ARR3: variants seen among roughly 807,000 people sequenced by gnomAD.
ARR3 encodes the protein arrestin 3, also known as arrestin-C.
Under a neutral mutation model 35.4 loss-of-function variants are expected in ARR3, and 14 were observed. The observed-to-expected ratio is 0.40, with a 90% confidence interval of 0.26 to 0.62. The LOEUF is 0.62. Among genes scored for constraint, ARR3 ranks in the 20% least tolerant of loss-of-function variants. The probability of loss-of-function intolerance (pLI) is 0.46; values close to 1 mark genes in which losing one functional copy is unlikely to be tolerated. For missense variants in ARR3, 259 were observed against 303.8 expected (o/e 0.85, Z 1.10); for synonymous variants, 97 against 119.1 (o/e 0.81, Z 1.21).
chrX:70,277,349 G>A, intron 8 of ARR3, 45 bp from the exon 9 acceptor site: 1 of 1,192,988 alleles, frequency 8.4e-7, no homozygotes. Flanking sequence ...AGGTCTGTGG[G>A]TCTGAAAGGA....
intron 5 of ARR3, 88 bp from the exon 6 acceptor site, chrX:70,275,994 C>T: frequency 8.7e-6 from 9 of 1,031,852 alleles, no homozygotes; most frequent in Non-Finnish European, 1.2e-5. Context: ...GATCATATTA[C>T]ATCACCTCTC....
intron 5 of ARR3, among the ~76,000 whole-genome samples, chrX:70,270,604 A>G (rs1472242600): frequency 9.0e-6 from 1 of 110,942 alleles, no homozygotes. Context: ...ATTTTAAGGC[A>G]AATTTCCTGA....
chrX:70,277,109 A>G (rs1239155929), intron 8 of ARR3, among the ~76,000 whole-genome samples: 1 of 112,984 alleles, frequency 8.9e-6, no homozygotes, highest in East Asian at 2.8e-4. Context: ...CACATGTCAC[A>G]AAATAGCATT....
Position 70,280,579 on chromosome X carries a change from C to A in ARR3, c.1010C>A (p.Ala337Asp). The A allele has an allele frequency of 8.3e-7, 1 of 1,202,598 alleles. No individual in the cohort carries two copies. The highest frequency in any genetic ancestry group is 1.1e-6 in the Non-Finnish European group (1 of 891,261). Residue 337 changes from alanine to aspartate, a missense_variant, in exon 14 of 17, where the codon GCC (alanine) becomes GAC (aspartate). Coordinates refer to ENST00000307959, the MANE Select transcript of ARR3 (RefSeq NM_004312.3). ...SCGGILGDLT[A>D]SDVGVELPLV... is the part of the protein sequence containing the mutation. ...CACAGCATCCTAGGAGACCTGACAGCCAGGTGAGAGACTGTGGGGTGGGGG... is the reference window on the plus strand; with the variant it reads ...CACAGCATCCTAGGAGACCTGACAGACAGGTGAGAGACTGTGGGGTGGGGG...
chrX:70,280,485 C>T, intron 13 of ARR3, 74 bp from the exon 14 acceptor site: 2 of 1,107,752 alleles, frequency 1.8e-6, no homozygotes, highest in Non-Finnish European at 2.4e-6. Flanking sequence ...CTTATGATCC[C>T]TCATCCCCTT....
intron 12 of ARR3, 100 bp downstream of exon 12, chrX:70,278,741 T>C (rs377257808): frequency 4.7e-6 from 5 of 1,072,751 alleles, no homozygotes; most frequent in Non-Finnish European, 6.3e-6. Context: ...AAAGCCTACC[T>C]GTTTTTTAAA....
rs921246010 is a variant in ARR3 at position 70,280,540 on chromosome X, G to A, written c.990-19G>A. 8.4e-7 allele frequency: 1 copy of A among 1,189,471 alleles called. No homozygotes were observed. The highest frequency in any genetic ancestry group is 1.1e-6 in the Non-Finnish European group (1 of 885,259). On this transcript the variant is annotated intron_variant, in intron 13 of 16. Coordinates refer to ENST00000307959, the MANE Select transcript of ARR3 (RefSeq NM_004312.3). ...TCTCTATTTCCCGCTGCTAATTTTGGGTGTCATTCTACCCACAGCATCCTA... is the reference window on the plus strand; with the variant it reads ...TCTCTATTTCCCGCTGCTAATTTTGAGTGTCATTCTACCCACAGCATCCTA...
chrX:70,281,749 G>A lies in ARR3; in HGVS notation c.1150G>A (p.Gly384Arg). The change falls in exon 17 of 17, where the codon GGA (glycine) becomes AGA (arginine). Residue 384 changes from glycine (G) to arginine (R), a missense_variant. Physicochemically the swap from Gly to Arg is moderately radical, Grantham distance 125. Transcript: ENST00000307959. ...EESQKAVEAE[G>R]DEGS ...GAGCCAGAAGGCTGTGGAGGCTGAG[G>A]GAGATGAGGGGAGCTGAGCACCTCG... 1 of 1,178,492 alleles carries A rather than the reference G, an allele frequency of 8.5e-7. No homozygotes were observed.
At chrX:70,277,332 A>G in intron 8 of ARR3, 62 bp from the exon 9 acceptor site, 1 of 1,171,595 alleles carries the variant, frequency 8.5e-7, no homozygotes, top group Non-Finnish European at 1.1e-6. Context: ...TGGGGGTGGC[A>G]TGGGAGAGGT....
intron 2 of ARR3, 101 bp downstream of exon 2, chrX:70,269,494 G>A: frequency 1.0e-6 from 1 of 998,855 alleles, no homozygotes; most frequent in South Asian, 2.2e-5. Flanking sequence ...TCCCTAACTT[G>A]TGTCCTTGGA....
intron 10 of ARR3, 99 bp from the exon 11 acceptor site, chrX:70,277,965 GTA>G: frequency 2.2e-6 from 2 of 896,116 alleles, no homozygotes; most frequent in Non-Finnish European, 3.2e-6. Flanking sequence ...ACTGCATCAT[GTA>G]TAGTGTGCCT....
intron 12 of ARR3, among the ~76,000 whole-genome samples, chrX:70,279,878 G>C (rs1488528167): frequency 8.9e-6 from 1 of 111,912 alleles, no homozygotes; most frequent in East Asian, 2.8e-4. Context: ...GGTCTGCTTA[G>C]GTTGTATCCC....
chrX:70,278,286 C>A, intron 11 of ARR3, 148 bp downstream of exon 11: 1 of 665,630 alleles, frequency 1.5e-6, no homozygotes, highest in Non-Finnish European at 2.3e-6. Context: ...GGAGGGGATG[C>A]AACTTACCCC....
intron 8 of ARR3, 56 bp downstream of exon 8, chrX:70,276,792 T>C: frequency 4.6e-6 from 5 of 1,080,545 alleles, no homozygotes; most frequent in Non-Finnish European, 6.4e-6. Context: ...AGGAAACAGA[T>C]CCTGCTCTCA....
At chrX:70,269,444 T>A (rs1412010484) in intron 2 of ARR3, 51 bp downstream of exon 2, 1 of 1,096,626 alleles carries the variant, frequency 9.1e-7, no homozygotes, top group African/African-American at 1.8e-5. Context: ...CCTACCCCAA[T>A]CCAAGTATTT....
chrX:70,278,273 G>C, intron 11 of ARR3, 135 bp downstream of exon 11: 3 of 680,408 alleles, frequency 4.4e-6, no homozygotes, highest in Non-Finnish European at 6.7e-6. Flanking sequence ...AGGAGAACTA[G>C]ATGGAGGGGA....
chrX:70,281,085 C>T lies in ARR3; in HGVS notation c.1067-14C>T, dbSNP rs1381495006. On this transcript the variant is annotated splice_polypyrimidine_tract_variant and intron_variant, in intron 15 of 16. Transcript: ENST00000307959. Reference sequence around the variant, plus strand: ...CAGCTCCATTTTTTCCCTCCGTCTCCATGCTTGCTACAGAGGCCGCTAGGT... The same window carrying T: ...CAGCTCCATTTTTTCCCTCCGTCTCTATGCTTGCTACAGAGGCCGCTAGGT... 8.3e-7 allele frequency: 1 copy of T among 1,206,845 alleles called. No individual in the cohort carries two copies. Among genetic ancestry groups the T allele is most frequent in the Non-Finnish European group, 1.1e-6 (1 of 894,247 alleles).
Position 70,278,738 on chromosome X carries a change from A to T in ARR3, c.905+97A>T. 6 of 1,077,061 alleles carry T rather than the reference A, an allele frequency of 5.6e-6. No individual in the cohort carries two copies. In the South Asian group the frequency reaches 1.4e-4, roughly 24 times the overall value. The allele number at this position is 1,077,061 out of a possible 1,213,427, so 88.8% of individuals were successfully genotyped here. A position where few individuals can be genotyped will look rare whatever the true frequency, so the allele number is the denominator to read the frequency against. On this transcript the variant is annotated intron_variant, in intron 12 of 16. Coordinates refer to ENST00000307959, the MANE Select transcript of ARR3 (RefSeq NM_004312.3). The stretch of plus-strand genomic sequence containing the variant: ...TGAGGTTTCATGTTCAGTAAAGCCT[A>T]CCTGTTTTTTAAAGTGTCTCTAGGG...
In ARR3 at chrX:70,269,345, C is replaced by T. The variant is rs1353205959; in HGVS notation, c.-30-11C>T. The T allele has an allele frequency of 8.3e-7, 1 of 1,201,937 alleles. No homozygotes were observed. Among genetic ancestry groups the T allele is most frequent in the Non-Finnish European group, 1.1e-6 (1 of 891,554 alleles). On this transcript the variant is annotated splice_polypyrimidine_tract_variant and intron_variant, in intron 1 of 16. Transcript: ENST00000307959. ...GAAATGATTGAGCCTTTCTTCTTTC[C>T]CTTTTCCCAGAAAAGGCTCAACATC...
Sources: allele counts gnomAD v4.1 joint callset (sites outside exome capture counted in the v4.1 genomes callset), GRCh38; gene constraint gnomAD v4.1.1; transcripts MANE v1.5; gene names NCBI Gene and HGNC (gene_info 2026-07-23, HGNC 2026-07-21).